MACROD2: variants seen among roughly 807,000 people sequenced by gnomAD.
MACROD2 encodes the protein ADP-ribose glycohydrolase MACROD2.
In MACROD2, 36 loss-of-function variants were observed where a neutral mutation model predicts 70.4. The observed-to-expected ratio is 0.51, with a 90% CI of 0.39 to 0.68. The LOEUF (loss-of-function observed/expected upper bound fraction) is 0.68. MACROD2 is among the 30% of genes least tolerant of loss of function. The probability of loss-of-function intolerance (pLI) is 0.00; values close to 1 mark genes in which losing one functional copy is unlikely to be tolerated. For missense variants in MACROD2, 496 were observed against 538.4 expected (o/e 0.92, Z 0.78); for synonymous variants, 172 against 178.8 (o/e 0.96, Z 0.30).
intron 3 of MACROD2, among the ~76,000 whole-genome samples, chr20:14,152,561 G>A (rs1470995295): frequency 1.3e-5 from 2 of 151,690 alleles, no homozygotes; most frequent in Non-Finnish European, 2.9e-5. Context: ...TGAGTAGCTG[G>A]AATTACAGAT....
intron 4 of MACROD2, among the ~76,000 whole-genome samples, chr20:14,537,021 C>T (rs1229600868): frequency 1.3e-5 from 2 of 152,168 alleles, no homozygotes; most frequent in African/African-American, 4.8e-5. Context: ...AGGGTGGCTT[C>T]CTGGCCATGA....
intron 10 of MACROD2, 62 bp from the exon 11 acceptor site, chr20:15,933,214 G>A (rs370091485): frequency 9.0e-5 from 136 of 1,513,812 alleles, no homozygotes; most frequent in South Asian, 2.4e-4. Context: ...CATATTAGCC[G>A]TAAAGAGATA....
chr20:15,387,920 T>C (rs1025178618), intron 6 of MACROD2, among the ~76,000 whole-genome samples: 5 of 131,038 alleles, frequency 3.8e-5, no homozygotes, highest in African/African-American at 1.2e-4. Flanking sequence ...CTTGTATTTA[T>C]TTATTTTTTT....
At chr20:14,860,276 A>C (rs1200679205) in intron 5 of MACROD2, among the ~76,000 whole-genome samples, 1 of 152,180 alleles carries the variant, frequency 6.6e-6, no homozygotes, top group African/African-American at 2.4e-5. Context: ...CTGTGTCATA[A>C]ATGCTTTCAA....
At chr20:15,544,052 A>G (rs1010813500) in intron 8 of MACROD2, among the ~76,000 whole-genome samples, 1 of 152,210 alleles carries the variant, frequency 6.6e-6, no homozygotes, top group Admixed American at 6.5e-5. Flanking sequence ...GAAGTACAGT[A>G]AAGTCCCTGA....
At chr20:14,795,696 A>AT (rs1277959056) in intron 5 of MACROD2, among the ~76,000 whole-genome samples, 1 of 152,068 alleles carries the variant, frequency 6.6e-6, no homozygotes, top group African/African-American at 2.4e-5. Flanking sequence ...TAAGTTATTT[A>AT]TTTTTGTTTT....
At chr20:15,388,455 A>C (rs2045749979) in intron 6 of MACROD2, among the ~76,000 whole-genome samples, 1 of 152,176 alleles carries the variant, frequency 6.6e-6, no homozygotes, top group Non-Finnish European at 1.5e-5. Flanking sequence ...GATATGTTTG[A>C]CATATTACAT....
chr20:15,162,884 A>G (rs1366602325), intron 5 of MACROD2, among the ~76,000 whole-genome samples: 2 of 152,162 alleles, frequency 1.3e-5, no homozygotes, highest in African/African-American at 4.8e-5. Flanking sequence ...AAGCTTGGTG[A>G]TAACAAAGGA....
At chr20:14,427,574 A>G (rs2083948111) in intron 3 of MACROD2, among the ~76,000 whole-genome samples, 1 of 152,050 alleles carries the variant, frequency 6.6e-6, no homozygotes, top group South Asian at 2.1e-4. Context: ...ATGTGCATGT[A>G]TCTGTATACA....
chr20:14,772,103 A>G (rs1468728177), intron 5 of MACROD2, among the ~76,000 whole-genome samples: 1 of 152,078 alleles, frequency 6.6e-6, no homozygotes, highest in Admixed American at 6.6e-5. Context: ...ATGTTTTTAC[A>G]CTTTAATCTT....
chr20:15,639,923 AAG>A (rs752291020), intron 8 of MACROD2, among the ~76,000 whole-genome samples: 4 of 151,290 alleles, frequency 2.6e-5, no homozygotes, highest in Admixed American at 6.6e-5. Flanking sequence ...GAAGGAGAGA[AAG>A]AGAGAGAGGC....
Position 15,219,058 on chromosome 20 carries a change from TC to T in MACROD2, c.419-10879del, listed in dbSNP as rs567019864. Among the ~76,000 whole-genome samples, 14 of 151,488 alleles carry T rather than the reference TC, an allele frequency of 9.2e-5. No individual in the cohort carries two copies. In the East Asian group the frequency reaches 2.7e-3, roughly 29 times the overall value. On this transcript the variant is annotated intron_variant, in intron 5 of 17. Coordinates refer to ENST00000684519, the MANE Select transcript of MACROD2 (RefSeq NM_001351661.2). The stretch of plus-strand genomic sequence containing the variant: ...GAGACTCCGTCTCAAAAAAAAAAAA[TC>T]CCTTAACCTACATAAAAGTGAAATT...
At chr20:15,319,390 G>GTA (rs1405202055) in intron 6 of MACROD2, among the ~76,000 whole-genome samples, 1 of 152,162 alleles carries the variant, frequency 6.6e-6, no homozygotes, top group Non-Finnish European at 1.5e-5. Flanking sequence ...CCAATGCTAT[G>GTA]TATAGATTCT....
At chr20:14,470,073 C>T (rs781668102) in intron 3 of MACROD2, among the ~76,000 whole-genome samples, 1 of 151,980 alleles carries the variant, frequency 6.6e-6, no homozygotes, top group African/African-American at 2.4e-5. Context: ...GATTTATCTA[C>T]CTTTGGTCTT....
At chr20:15,744,246 G>A (rs2051147159) in intron 8 of MACROD2, among the ~76,000 whole-genome samples, 1 of 152,138 alleles carries the variant, frequency 6.6e-6, no homozygotes, top group African/African-American at 2.4e-5. Context: ...AAGAAATGCT[G>A]AATTGATTAG....
intron 2 of MACROD2, among the ~76,000 whole-genome samples, chr20:14,077,514 T>C (rs2053929648): frequency 6.6e-6 from 1 of 152,314 alleles, no homozygotes; most frequent in African/African-American, 2.4e-5. Flanking sequence ...GTTAAACTAC[T>C]AAAAATAATA....
intron 5 of MACROD2, among the ~76,000 whole-genome samples, chr20:14,963,878 T>C (rs6043024): frequency 0.016 from 2,429 of 152,260 alleles, 65 homozygotes; most frequent in African/African-American, 0.054. Flanking sequence ...AACTTACAAA[T>C]AAATGTTGAC....
intron 2 of MACROD2, among the ~76,000 whole-genome samples, chr20:14,070,479 G>A (rs1219843157): frequency 6.6e-6 from 1 of 151,958 alleles, no homozygotes; most frequent in Non-Finnish European, 1.5e-5. Flanking sequence ...ACCTCTTACC[G>A]AACCCAAAAT....
chr20:14,505,800 G>C (rs2084962737), intron 4 of MACROD2, among the ~76,000 whole-genome samples: 1 of 152,180 alleles, frequency 6.6e-6, no homozygotes, highest in Non-Finnish European at 1.5e-5. Context: ...GAGGATTTTA[G>C]GTTATGGCAG....
Sources: allele counts gnomAD v4.1 joint callset (sites outside exome capture counted in the v4.1 genomes callset), GRCh38; gene constraint gnomAD v4.1.1; transcripts MANE v1.5; gene names NCBI Gene and HGNC (gene_info 2026-07-23, HGNC 2026-07-21).